Variants in ROBO2 observed in about 807,000 individuals in gnomAD.
ROBO2 encodes roundabout homolog 2.
Under a neutral mutation model 160.8 loss-of-function variants are expected in ROBO2, and 53 were observed. The observed-to-expected ratio is 0.33, with a 90% CI of 0.26 to 0.41. ROBO2 has a LOEUF of 0.41. ROBO2 is among the 10% of genes least tolerant of loss of function. The probability of loss-of-function intolerance (pLI) is 1.00; values close to 1 mark genes in which losing one functional copy is unlikely to be tolerated. For missense variants in ROBO2, 1,577 were observed against 1,722.4 expected, an observed-to-expected ratio of 0.92 and a Z score of 1.49; for synonymous variants, 664 against 611.7, an observed-to-expected ratio of 1.09 and a Z score of -1.26.
chr3:76,347,615 C>T (rs1176342855), intron 2 of ROBO2, among the ~76,000 whole-genome samples: 1 of 151,872 alleles, frequency 6.6e-6, no homozygotes, highest in Non-Finnish European at 1.5e-5. Flanking sequence ...TATTTATAAT[C>T]TTATACTTTT....
intron 2 of ROBO2, among the ~76,000 whole-genome samples, chr3:77,186,985 A>G (rs184473785): frequency 1.3e-5 from 2 of 152,140 alleles, no homozygotes; most frequent in African/African-American, 4.8e-5. Flanking sequence ...TGAAAGCTAT[A>G]AGTTTTCTGT....
Position 77,299,217 on chromosome 3 carries a change from A to G in ROBO2, c.389-178197A>G, listed in dbSNP as rs76047367. Among the ~76,000 whole-genome samples the G allele has an allele frequency of 3.8e-3, 582 of 152,284 alleles. 3 individuals are homozygous for G. The highest frequency in any genetic ancestry group is 0.029 in the East Asian group (151 of 5,164). On this transcript the variant is annotated intron_variant, in intron 2 of 25. Coordinates refer to ENST00000461745, the Ensembl canonical transcript of ROBO2. ...ATTAGATTCTAAAATATTAGTCTACATATGTTTAAACTGACATTTAAATTG... is the reference window on the plus strand; with the variant it reads ...ATTAGATTCTAAAATATTAGTCTACGTATGTTTAAACTGACATTTAAATTG...
intron 2 of ROBO2, among the ~76,000 whole-genome samples, chr3:77,410,743 T>TCTTCCTCCTCCTTTTCCTCCTCCTC (rs2076724877): frequency 3.4e-5 from 1 of 29,590 alleles, no homozygotes; most frequent in African/African-American, 1.5e-4. Context: ...TCCTCCTCCT[T>TCTTCCTCCTCCTTTTCCTCCTCCTC]TTCCTCCTCC....
intron 2 of ROBO2, among the ~76,000 whole-genome samples, chr3:77,241,428 A>G (rs1392121260): frequency 6.6e-6 from 1 of 152,232 alleles, no homozygotes; most frequent in African/African-American, 2.4e-5. Flanking sequence ...AAAAAGTAAA[A>G]TAATTATAGT....
intron 2 of ROBO2, among the ~76,000 whole-genome samples, chr3:76,460,019 A>G (rs1223662597): frequency 6.6e-6 from 1 of 152,170 alleles, no homozygotes; most frequent in African/African-American, 2.4e-5. Context: ...GAAAGCTTAG[A>G]AAAGATATCT....
At chr3:77,311,837 A>G (rs764419572) in intron 2 of ROBO2, among the ~76,000 whole-genome samples, 15 of 152,338 alleles carry the variant, frequency 9.8e-5, no homozygotes, top group Non-Finnish European at 1.8e-4. Context: ...CTGTAATCCC[A>G]ACACTTTGAG....
chr3:76,265,681 A>G (rs1707056786), intron 2 of ROBO2, among the ~76,000 whole-genome samples: 1 of 152,178 alleles, frequency 6.6e-6, no homozygotes. Context: ...TATGATTCCC[A>G]TTATACAGAA....
At chr3:76,118,729 T>C (rs1422853310) in intron 2 of ROBO2, among the ~76,000 whole-genome samples, 1 of 152,208 alleles carries the variant, frequency 6.6e-6, no homozygotes, top group Non-Finnish European at 1.5e-5. Context: ...TGTATATGTT[T>C]CTGAAAAATG....
chr3:77,173,233 G>T (rs2079807701), intron 2 of ROBO2, among the ~76,000 whole-genome samples: 1 of 152,058 alleles, frequency 6.6e-6, no homozygotes, highest in Non-Finnish European at 1.5e-5. Context: ...AACATTTAAG[G>T]CTTCAGCCTA....
intron 1 of ROBO2, among the ~76,000 whole-genome samples, chr3:75,918,299 C>T (rs1297908509): frequency 1.3e-5 from 2 of 152,114 alleles, no homozygotes; most frequent in Admixed American, 6.6e-5. Flanking sequence ...GAATCCTTTC[C>T]CCATTGCTTG....
chr3:77,486,140 C>A (rs2085325066), intron 4 of ROBO2, among the ~76,000 whole-genome samples: 1 of 152,162 alleles, frequency 6.6e-6, no homozygotes, highest in Non-Finnish European at 1.5e-5. Flanking sequence ...CATAGTATTC[C>A]ATGGTGTATT....
chr3:76,677,771 T>G (rs2092447250), intron 2 of ROBO2, among the ~76,000 whole-genome samples: 1 of 152,084 alleles, frequency 6.6e-6, no homozygotes, highest in Non-Finnish European at 1.5e-5. Flanking sequence ...TGAAATAATT[T>G]TGTGATCATG....
At chr3:76,679,037 T>C (rs2092486130) in intron 2 of ROBO2, among the ~76,000 whole-genome samples, 1 of 151,788 alleles carries the variant, frequency 6.6e-6, no homozygotes, top group South Asian at 2.1e-4. Flanking sequence ...TTTACTCTAT[T>C]TGACAGATGG....
Position 76,835,692 on chromosome 3 carries a change from C to A in ROBO2, c.110-262322C>A, listed in dbSNP as rs553424626. Among the ~76,000 whole-genome samples the A allele has an allele frequency of 2.6e-5, 4 of 151,970 alleles. No individual in the cohort carries two copies. In the South Asian group the frequency reaches 6.2e-4, roughly 24 times the overall value. The stretch of plus-strand genomic sequence containing the variant: ...ACTATATTAAATTCAGGGTTTTTCA[C>A]ATTATCAGTATTTTGTCAAGCGTGT... On this transcript the variant is annotated intron_variant, in intron 2 of 26. Transcript: ENST00000487694.
intron 2 of ROBO2, among the ~76,000 whole-genome samples, chr3:76,588,183 G>A (rs1418171412): frequency 6.6e-6 from 1 of 152,116 alleles, no homozygotes; most frequent in Non-Finnish European, 1.5e-5. Flanking sequence ...CTTTCAATCT[G>A]TGTCACTCAT....
intron 4 of ROBO2, among the ~76,000 whole-genome samples, chr3:77,486,891 T>G (rs2085430069): frequency 6.6e-6 from 1 of 152,138 alleles, no homozygotes; most frequent in South Asian, 2.1e-4. Flanking sequence ...CGCTGGAAGC[T>G]TTTTTCAAAT....
At chr3:77,003,663 C>T (rs761234757) in intron 2 of ROBO2, among the ~76,000 whole-genome samples, 2 of 152,028 alleles carry the variant, frequency 1.3e-5, no homozygotes, top group Non-Finnish European at 2.9e-5. Flanking sequence ...TGGGTTCAAG[C>T]GATTCTCCTA....
intron 1 of ROBO2, among the ~76,000 whole-genome samples, chr3:75,934,649 G>A (rs905896054): frequency 1.6e-4 from 24 of 152,206 alleles, no homozygotes; most frequent in African/African-American, 5.8e-4. Flanking sequence ...TGAAATATTA[G>A]TTTTCCATAA....
chr3:76,994,089 TG>T (rs1174717216), intron 2 of ROBO2, among the ~76,000 whole-genome samples: 32 of 102,996 alleles, frequency 3.1e-4, no homozygotes, highest in Non-Finnish European at 4.6e-4. Context: ...GTGCTTTTTT[TG>T]TTTTTTTTTT....
Sources: gnomAD v4.1 joint callset for allele counts (sites outside exome capture counted in the v4.1 genomes callset) on GRCh38, gnomAD v4.1.1 for gene constraint, MANE v1.5 for transcripts, NCBI Gene and HGNC (gene_info 2026-07-23, HGNC 2026-07-21) for gene names.